The following NBPF10 variants were observed in gnomAD, a reference collection of about 807,000 sequenced individuals.
The protein encoded by NBPF10 is NBPF family member NBPF10.
In NBPF10, 63 loss-of-function variants were observed where a neutral mutation model predicts 77.9. The ratio of observed to expected loss-of-function variants is 0.81; its 90% CI spans 0.66 to 1.00. NBPF10 has a LOEUF of 1.00. Among genes scored for constraint, NBPF10 ranks in the 50% least tolerant of loss-of-function variants. NBPF10 has a pLI of 0.00. For missense variants in NBPF10, 522 were observed against 679.8 expected (o/e 0.77, Z 2.58); for synonymous variants, 146 against 264.5 (o/e 0.55, Z 4.35).
chr1:146,136,074 C>T (rs2102207876), intron 7 of NBPF10, among the ~76,000 whole-genome samples: 1 of 148,684 alleles, frequency 6.7e-6, no homozygotes, highest in South Asian at 2.2e-4. Context: ...CTGAATGCTG[C>T]TGTGTGGTTC....
intron 81 of NBPF10, 51 bp from the exon 82 acceptor site, chr1:146,072,952 C>A (rs1655805504): frequency 1.9e-5 from 2 of 105,798 alleles, no homozygotes; most frequent in Non-Finnish European, 3.6e-5. Flanking sequence ...TCAGAAACCA[C>A]ACAGCCCCAG....
intron 14 of NBPF10, 144 bp downstream of exon 14, chr1:146,126,092 G>A (rs1172271512): frequency 1.5e-6 from 1 of 648,242 alleles, no homozygotes; most frequent in East Asian, 2.7e-5. Context: ...AGTGGAACTA[G>A]AGTTTCATTC....
At chr1:146,129,931 T>C (rs1659125323) in intron 11 of NBPF10, among the ~76,000 whole-genome samples, 1 of 102,054 alleles carries the variant, frequency 9.8e-6, no homozygotes. Context: ...ACTTTAAGTC[T>C]TAGGGTACAT....
intron 1 of NBPF10, among the ~76,000 whole-genome samples, chr1:146,143,747 TA>T (rs1660531586): frequency 1.4e-5 from 2 of 138,064 alleles, no homozygotes; most frequent in African/African-American, 2.7e-5. Flanking sequence ...TTGATTTATT[TA>T]TCGTTTTGTT....
rs1380667253 is a variant in NBPF10, at chr1:146,126,509, A to G, written c.1854-101T>C. 1.5e-5 allele frequency: 11 copies of G among 718,022 alleles called. 1 individual carries two copies. The highest frequency in any genetic ancestry group is 7.0e-5 in the African/African-American group (4 of 56,934). 44.5% of individuals were successfully genotyped at this position (718,022 alleles called of 1,614,324 possible). The stretch of plus-strand genomic sequence containing the variant: ...TAACATAAGGAAGAGTTTGAAAAGA[A>G]AAAGGACAGATCCATTAATGAGGTA... On this transcript the variant is annotated intron_variant, in intron 13 of 89. Coordinates refer to ENST00000583866, the Ensembl canonical transcript of NBPF10.
chr1:146,126,826 A>G (rs1374074256), intron 13 of NBPF10, among the ~76,000 whole-genome samples: 2 of 124,256 alleles, frequency 1.6e-5, no homozygotes, highest in African/African-American at 3.0e-5. Context: ...GTCAACTTTC[A>G]CTAGGTTAGT....
exon 90 of NBPF10, chr1:146,064,962 T>C (rs1432279826): frequency 2.9e-4 from 1 of 3,474 alleles, no homozygotes; most frequent in Non-Finnish European, 7.1e-4. Context: ...GATATGAATA[T>C]AATAATAGAC....
At chr1:146,141,758 T>C (rs782544690) in exon 3 of NBPF10, 9 of 1,340,788 alleles carry the variant, frequency 6.7e-6, no homozygotes, top group Non-Finnish European at 9.3e-6. Flanking sequence ...TCCCTTCCCG[T>C]AACTTCTCCC....
At chr1:146,129,335 C>T (rs1553791585) in intron 11 of NBPF10, among the ~76,000 whole-genome samples, 3 of 146,836 alleles carry the variant, frequency 2.0e-5, no homozygotes, top group Non-Finnish European at 3.0e-5. Flanking sequence ...GGCACGAGAA[C>T]TACGTGATGC....
At chr1:146,126,116 C>G (rs1485884468) in intron 14 of NBPF10, 120 bp downstream of exon 14, 13 of 727,154 alleles carry the variant, frequency 1.8e-5, no homozygotes, top group African/African-American at 3.5e-5. Flanking sequence ...CTACATGTGC[C>G]TATAGGTCCT....
chr1:146,129,849 T>C (rs1246607132), intron 11 of NBPF10, among the ~76,000 whole-genome samples: 1 of 84,784 alleles, frequency 1.2e-5, no homozygotes, highest in Non-Finnish European at 2.3e-5. Flanking sequence ...AACATTCTTT[T>C]TTTTTTCCAT....
At chr1:146,121,886 C>T (rs1267317028) in intron 19 of NBPF10, among the ~76,000 whole-genome samples, 53 of 149,716 alleles carry the variant, frequency 3.5e-4, no homozygotes, top group African/African-American at 1.2e-3. Context: ...GAGACAGAGA[C>T]AGAGACAGAG....
intron 17 of NBPF10, among the ~76,000 whole-genome samples, chr1:146,123,517 C>G (rs879163886): frequency 9.9e-6 from 1 of 101,260 alleles, no homozygotes; most frequent in East Asian, 2.8e-4. Context: ...CACACACACA[C>G]ACACACACAG....
intron 89 of NBPF10, 143 bp downstream of exon 89, chr1:146,067,037 C>T: frequency 1.9e-6 from 1 of 513,318 alleles, no homozygotes; most frequent in South Asian, 2.0e-5. Flanking sequence ...TAAACATCTA[C>T]TGCAATGAAA....
At chr1:146,067,212 T>A (rs1553777888) in exon 89 of NBPF10, 1 of 582,596 alleles carries the variant, frequency 1.7e-6, no homozygotes, top group African/African-American at 1.9e-5. Flanking sequence ...CTTCTTCCCC[T>A]TCTTTTCTTC....
intron 6 of NBPF10, among the ~76,000 whole-genome samples, chr1:146,136,974 T>A (rs1288105249): frequency 2.0e-5 from 3 of 148,388 alleles, no homozygotes; most frequent in Admixed American, 6.7e-5. Context: ...AAGCATAAAG[T>A]GTGACACATA....
chr1:146,109,311 GACACACACACA>G (rs1657344616), intron 35 of NBPF10, among the ~76,000 whole-genome samples, 197 bp from the exon 36 acceptor site: 1 of 87,206 alleles, frequency 1.1e-5, no homozygotes, highest in Non-Finnish European at 2.5e-5. Flanking sequence ...AAGACAGATA[GACACACACACA>G]CACACACACA....
chr1:146,126,021 G>C (rs376458419), intron 14 of NBPF10, among the ~76,000 whole-genome samples: 1 of 151,712 alleles, frequency 6.6e-6, no homozygotes, highest in Admixed American at 6.6e-5. Flanking sequence ...GGTGCCACAG[G>C]CATGGCCTGA....
chr1:146,121,792 A>C (rs1658199475), intron 19 of NBPF10, 122 bp from the exon 20 acceptor site: 1 of 619,206 alleles, frequency 1.6e-6, no homozygotes, highest in African/African-American at 1.9e-5. Flanking sequence ...TCCATTAATG[A>C]GGTAACAAAT....
Sources: allele counts gnomAD v4.1 joint callset (sites outside exome capture counted in the v4.1 genomes callset), GRCh38; gene constraint gnomAD v4.1.1; transcripts MANE v1.5; gene names NCBI Gene and HGNC (gene_info 2026-07-23, HGNC 2026-07-21).